COL4A4: variants seen among roughly 807,000 people sequenced by gnomAD.
COL4A4 encodes collagen type IV alpha 4 chain.
Under a neutral mutation model 192.9 loss-of-function variants are expected in COL4A4, and 105 were observed. That is an observed-to-expected ratio of 0.54 (90% CI 0.46 to 0.64). The LOEUF (loss-of-function observed/expected upper bound fraction) is 0.64, where lower values mean the gene tolerates loss of function less well. Ranked by LOEUF, COL4A4 falls within the 30% of genes least tolerant of loss-of-function variation. The pLI, the probability that COL4A4 is intolerant of heterozygous loss-of-function variation, is 0.00. For synonymous variants in COL4A4, 762 were observed against 769.9 expected, an observed-to-expected ratio of 0.99 and a Z score of 0.17; for missense variants, 1,967 against 2,169.3, an observed-to-expected ratio of 0.91 and a Z score of 1.85.
intron 18 of COL4A4, among the ~76,000 whole-genome samples, chr2:227,099,365 C>A (rs1269401407): frequency 6.6e-6 from 1 of 152,158 alleles, no homozygotes; most frequent in East Asian, 1.9e-4. Flanking sequence ...CTGAACCCAG[C>A]CAGTAAAATA....
chr2:226,995,099 A>G, the COL4A4 span, among the ~76,000 whole-genome samples: 8 of 146,182 alleles, frequency 5.5e-5, no homozygotes, highest in East Asian at 1.2e-3. Context: ...ATATGGGCAT[A>G]AAAAAAAAAA....
rs530696153 is a variant in COL4A4 at position 227,119,311 on chromosome 2, T to C, written c.373-550A>G. Reference sequence around the variant, plus strand: ...AAATTTAAATGTAAACACCCTTTCATGCACTAAAATGAGAAAATATAAAAA... The same window carrying C: ...AAATTTAAATGTAAACACCCTTTCACGCACTAAAATGAGAAAATATAAAAA... On this transcript the variant is annotated intron_variant, in intron 6 of 47. Coordinates refer to ENST00000396625, the MANE Select transcript of COL4A4 (RefSeq NM_000092.5). Among the ~76,000 whole-genome samples the C allele has an allele frequency of 3.8e-3, 584 of 151,826 alleles. 3 individuals are homozygous for C. Among genetic ancestry groups the C allele is most frequent in the Middle Eastern group, 0.017 (5 of 294 alleles).
chr2:227,018,421 T>C (rs1461994995), intron 44 of COL4A4, among the ~76,000 whole-genome samples: 2 of 152,182 alleles, frequency 1.3e-5, no homozygotes, highest in Non-Finnish European at 2.9e-5. Flanking sequence ...CACTCTTTAG[T>C]AACTGGACGG....
rs761970469 is a variant in COL4A4 at position 227,111,665 on chromosome 2, TC to T, written c.594+12del. 1.2e-6 allele frequency: 2 copies of T among 1,613,940 alleles called. No individual in the cohort carries two copies. The highest frequency in any genetic ancestry group is 2.2e-5 in the South Asian group (2 of 91,082). ...GAGGAAATAGAAGCATAGAGCCTGCTCAGGAGACTTACTGGTAAGCCAGGCA... is the reference window on the plus strand; with the variant it reads ...GAGGAAATAGAAGCATAGAGCCTGCTAGGAGACTTACTGGTAAGCCAGGCA... On this transcript the variant is annotated intron_variant, in intron 9 of 47. Coordinates refer to ENST00000396625, the MANE Select transcript of COL4A4 (RefSeq NM_000092.5).
intron 1 of COL4A4, among the ~76,000 whole-genome samples, chr2:227,149,057 C>G (rs1000249602): frequency 6.6e-6 from 1 of 151,882 alleles, no homozygotes; most frequent in Admixed American, 6.6e-5. Flanking sequence ...CCATGTTGGC[C>G]AGGCTGGTCT....
rs770007744 is a variant in COL4A4, at chr2:227,120,827, T to C, written c.327+187A>G. The C allele has an allele frequency of 4.6e-6, 3 of 654,558 alleles. No individual in the cohort carries two copies. In the East Asian group the frequency reaches 8.7e-5, roughly 19 times the overall value. 40.5% of individuals were successfully genotyped at this position (654,558 alleles called of 1,614,324 possible). Reference sequence around the variant, plus strand: ...GGTGGTATGTGCCTGTAATCCCAGCTACTTGGGAGGCTGAGGTGGGAGGCT... The same window carrying C: ...GGTGGTATGTGCCTGTAATCCCAGCCACTTGGGAGGCTGAGGTGGGAGGCT... On this transcript the variant is annotated intron_variant, in intron 5 of 47. Transcript: ENST00000396625.
chr2:227,045,831 TACAC>T (rs200481442), intron 35 of COL4A4, among the ~76,000 whole-genome samples: 1 of 70,064 alleles, frequency 1.4e-5, no homozygotes, highest in African/African-American at 7.4e-5. Context: ...TATATATATA[TACAC>T]ACATATATAT....
chr2:227,048,921 C>A (rs1000630178), intron 34 of COL4A4, among the ~76,000 whole-genome samples: 1 of 152,160 alleles, frequency 6.6e-6, no homozygotes, highest in East Asian at 1.9e-4. Flanking sequence ...AATAAGCCCA[C>A]ACAGGTCATG....
At chr2:226,978,310 C>G in the COL4A4 span, among the ~76,000 whole-genome samples, 1 of 152,054 alleles carries the variant, frequency 6.6e-6, no homozygotes, top group Non-Finnish European at 1.5e-5. Flanking sequence ...GCCTGCTAGC[C>G]CCCCATTAAA....
chr2:227,085,926 G>A (rs2059578586), intron 22 of COL4A4, among the ~76,000 whole-genome samples: 1 of 152,204 alleles, frequency 6.6e-6, no homozygotes, highest in Admixed American at 6.5e-5. Flanking sequence ...TCACTGGTAT[G>A]TACCTTATAC....
intron 37 of COL4A4, among the ~76,000 whole-genome samples, chr2:227,041,859 AAAGAAAGAAAGAAAG>A (rs1971380172): frequency 9.6e-6 from 1 of 103,800 alleles, no homozygotes; most frequent in African/African-American, 4.4e-5. Flanking sequence ...AGAAAGAAAG[AAAGAAAGAAAGAAAG>A]AAAGAAAGAA....
chr2:227,011,946 T>C (rs1278324174), intron 45 of COL4A4, among the ~76,000 whole-genome samples: 1 of 152,200 alleles, frequency 6.6e-6, no homozygotes, highest in Non-Finnish European at 1.5e-5. Flanking sequence ...GGGAAAATAC[T>C]GAATAGGATG....
chr2:227,046,716 G>A (rs554973107), intron 35 of COL4A4, among the ~76,000 whole-genome samples: 6 of 152,124 alleles, frequency 3.9e-5, no homozygotes, highest in Admixed American at 1.3e-4. Flanking sequence ...TCCCCTCTAG[G>A]GGTCCTGTTC....
intron 44 of COL4A4, 89 bp downstream of exon 44, chr2:227,021,959 C>T: frequency 3.4e-6 from 5 of 1,460,130 alleles, no homozygotes; most frequent in Non-Finnish European, 2.8e-6. Flanking sequence ...AGTTTAGGCT[C>T]CATATAAAAA....
At chr2:227,026,602 A>G (rs1365583271) in intron 42 of COL4A4, among the ~76,000 whole-genome samples, 2 of 152,200 alleles carry the variant, frequency 1.3e-5, no homozygotes, top group African/African-American at 4.8e-5. Flanking sequence ...TAGAGTGCTA[A>G]TTTAGGATAC....
intron 12 of COL4A4, among the ~76,000 whole-genome samples, chr2:227,104,888 G>C (rs981366879): frequency 2.1e-4 from 32 of 150,568 alleles, no homozygotes; most frequent in Non-Finnish European, 4.6e-4. Flanking sequence ...TGATCCGCCC[G>C]CCTCGGCCTC....
chr2:227,103,102 C>T (rs772923408), intron 14 of COL4A4, 42 bp downstream of exon 14: 19 of 1,501,672 alleles, frequency 1.3e-5, no homozygotes, highest in Non-Finnish European at 1.6e-5. Context: ...TAAGATAGTA[C>T]ATCACACAAA....
rs2059738339 is a variant in COL4A4, at chr2:227,088,781, T to C, written c.1495A>G (p.Met499Val). The C allele has an allele frequency of 1.2e-6, 2 of 1,614,108 alleles. No homozygotes were observed. Among genetic ancestry groups the C allele is most frequent in the South Asian group, 1.1e-5 (1 of 91,082 alleles). The change falls in exon 22 of 48, where the codon ATG (methionine) becomes GTG (valine). Residue 499 changes from methionine to valine, a missense_variant. By Grantham distance (21) the Met-to-Val change is conservative (BLOSUM62 1). Transcript: ENST00000396625. ...EGLCACEPGP[M>V]GPPGPPGLPG... ...AGTCCTGGAGGGCCAGGGGGGCCCA[T>C]GGGTCCAGGCTCACAGGCACAGAGT...
Position 227,077,972 on chromosome 2 carries a change from G to A in COL4A4, c.1909C>T (p.Pro637Ser), listed in dbSNP as rs775076627. ...VGPPGLGFPG[P>S]PGERGHPGVP... is the part of the protein sequence containing the mutation. Reference sequence around the variant, plus strand: ...CCTGGGTGGCCTCGCTCTCCTGGTGGACCAGGAAATCCCAGTCCTGGGGGC... The same window carrying A: ...CCTGGGTGGCCTCGCTCTCCTGGTGAACCAGGAAATCCCAGTCCTGGGGGC... The change falls in exon 25 of 48, where the codon CCA becomes TCA. Residue 637 changes from proline (P) to serine (S), a missense_variant. Pro to Ser is a moderately conservative substitution (Grantham distance 74, BLOSUM62 -1). Transcript: ENST00000396625. 19 of 1,613,662 alleles carry A rather than the reference G, an allele frequency of 1.2e-5. No homozygotes were observed. In the African/African-American group the frequency reaches 2.5e-4, roughly 22 times the overall value.
Sources: allele counts gnomAD v4.1 joint callset (sites outside exome capture counted in the v4.1 genomes callset), GRCh38; gene constraint gnomAD v4.1.1; transcripts MANE v1.5; gene names NCBI Gene and HGNC (gene_info 2026-07-23, HGNC 2026-07-21).